Variants in GNAQ observed in about 807,000 individuals in gnomAD.
GNAQ encodes the protein guanine nucleotide-binding protein G(q) subunit alpha.
GNAQ carries 8 observed loss-of-function variants against 43.9 expected under a neutral mutation model. The observed-to-expected ratio is 0.18, with a 90% CI of 0.11 to 0.33. The LOEUF (loss-of-function observed/expected upper bound fraction) is 0.33. GNAQ is among the 10% of genes least tolerant of loss of function. The probability of loss-of-function intolerance (pLI) is 1.00; values close to 1 mark genes in which losing one functional copy is unlikely to be tolerated. For synonymous variants in GNAQ, 155 were observed against 170.7 expected, an observed-to-expected ratio of 0.91 and a Z score of 0.71; for missense variants, 158 against 450.8, an observed-to-expected ratio of 0.35 and a Z score of 5.88.
intron 1 of GNAQ, among the ~76,000 whole-genome samples, chr9:77,938,364 C>T (rs959504735): frequency 1.3e-5 from 2 of 152,088 alleles, no homozygotes; most frequent in Middle Eastern, 3.2e-3. Flanking sequence ...TGGATCAGAT[C>T]CAACAGCCTA....
At position 78,031,290 on chromosome 9, in the gene GNAQ, A is replaced by C. The variant is rs1378102424; in HGVS notation, c.-55T>G. On this transcript the variant is annotated 5_prime_UTR_variant, in exon 1 of 7. Transcript: ENST00000286548. ...CCGGCACCCCCTGCTCACAGCGCGC[A>C]CACACACCCTCCCGCCCTCGCTCCC... 7.4e-7 allele frequency: 1 copy of C among 1,349,494 alleles called. No homozygotes were observed. The highest frequency in any genetic ancestry group is 9.7e-7 in the Non-Finnish European group (1 of 1,027,982). The allele number at this position is 1,349,494 out of a possible 1,614,324, so 83.6% of individuals were successfully genotyped here.
At chr9:77,774,825 T>C (rs1459669216) in intron 5 of GNAQ, among the ~76,000 whole-genome samples, 4 of 152,228 alleles carry the variant, frequency 2.6e-5, no homozygotes, top group African/African-American at 9.6e-5. Flanking sequence ...AGATAATCAT[T>C]ATTTCTTTAA....
intron 2 of GNAQ, among the ~76,000 whole-genome samples, chr9:77,893,580 C>T (rs919754447): frequency 2.6e-5 from 4 of 152,184 alleles, no homozygotes; most frequent in Admixed American, 2.0e-4. Flanking sequence ...TACACCTTTA[C>T]TTTCTTAATA....
In GNAQ at chr9:77,938,418, T is replaced by C. The variant is rs552867704; in HGVS notation, c.137-16073A>G. Reference sequence around the variant, plus strand: ...TTCTGAGCAGGTAAGAACTTCATCATAGGACTCATGAAGAAGACACTGGCA... The same window carrying C: ...TTCTGAGCAGGTAAGAACTTCATCACAGGACTCATGAAGAAGACACTGGCA... On this transcript the variant is annotated intron_variant, in intron 1 of 6. Coordinates refer to ENST00000286548, the MANE Select transcript of GNAQ (RefSeq NM_002072.5). Among the ~76,000 whole-genome samples the C allele has an allele frequency of 3.9e-5, 6 of 152,244 alleles. No homozygotes were observed. The East Asian group carries it at 5.8e-4, about 15-fold the overall frequency.
chr9:78,004,634 C>T (rs1227072450), intron 1 of GNAQ, among the ~76,000 whole-genome samples: 2 of 152,112 alleles, frequency 1.3e-5, no homozygotes, highest in Non-Finnish European at 2.9e-5. Flanking sequence ...TCTCACTTCT[C>T]CACTTGCATA....
At chr9:77,890,419 C>T (rs773070258) in intron 2 of GNAQ, among the ~76,000 whole-genome samples, 6 of 152,120 alleles carry the variant, frequency 3.9e-5, no homozygotes, top group East Asian at 1.9e-4. Context: ...GAATTAGAAA[C>T]GTGTCATAAA....
chr9:77,862,282 A>T (rs1827867610), intron 2 of GNAQ, among the ~76,000 whole-genome samples: 1 of 151,962 alleles, frequency 6.6e-6, no homozygotes, highest in African/African-American at 2.4e-5. Flanking sequence ...CTCTGACCTC[A>T]CATTTCCCTT....
chr9:77,756,570 G>A (rs1457958788), intron 5 of GNAQ, among the ~76,000 whole-genome samples: 1 of 150,692 alleles, frequency 6.6e-6, no homozygotes, highest in East Asian at 1.9e-4. Context: ...CCTAGGGAAT[G>A]CTGGCACAAT....
chr9:77,766,523 C>T (rs1224858078), intron 5 of GNAQ, among the ~76,000 whole-genome samples: 3 of 152,088 alleles, frequency 2.0e-5, no homozygotes. Context: ...GATGAGACTT[C>T]TGGGTGTCTC....
intron 5 of GNAQ, among the ~76,000 whole-genome samples, chr9:77,761,837 CGGGA>C (rs1826033230): frequency 1.8e-5 from 1 of 55,408 alleles, no homozygotes. Context: ...CCGCCCCGTC[CGGGA>C]GGGAGGTGGG....
intron 6 of GNAQ, among the ~76,000 whole-genome samples, chr9:77,727,277 C>T (rs1202609811): frequency 2.0e-5 from 3 of 152,084 alleles, no homozygotes; most frequent in Non-Finnish European, 2.9e-5. Flanking sequence ...CTCAGTCTCC[C>T]AAAGTGCTGG....
At chr9:77,862,985 C>T (rs971363201) in intron 2 of GNAQ, among the ~76,000 whole-genome samples, 1 of 152,118 alleles carries the variant, frequency 6.6e-6, no homozygotes, top group Non-Finnish European at 1.5e-5. Context: ...TTGAGACCAG[C>T]CTGACCAACA....
At chr9:77,776,910 A>C (rs2118389748) in intron 5 of GNAQ, among the ~76,000 whole-genome samples, 1 of 148,162 alleles carries the variant, frequency 6.7e-6, no homozygotes, top group Non-Finnish European at 1.5e-5. Flanking sequence ...CTTAAAATTT[A>C]TGTGGAAATG....
chr9:77,925,224 CT>C (rs1184787190), intron 1 of GNAQ, among the ~76,000 whole-genome samples: 1 of 152,148 alleles, frequency 6.6e-6, no homozygotes, highest in Non-Finnish European at 1.5e-5. Context: ...GGAGCTCTGA[CT>C]AGCACAAATA....
chr9:77,919,179 G>A (rs1019693433), intron 2 of GNAQ, among the ~76,000 whole-genome samples: 1 of 152,194 alleles, frequency 6.6e-6, no homozygotes, highest in East Asian at 1.9e-4. Context: ...CTTAGCCTCC[G>A]TAAGTGCTAG....
intron 1 of GNAQ, among the ~76,000 whole-genome samples, chr9:77,971,540 C>T (rs896547196): frequency 3.3e-5 from 5 of 152,202 alleles, no homozygotes; most frequent in Non-Finnish European, 7.3e-5. Flanking sequence ...ACATGATCGT[C>T]TCAATAGATG....
chr9:78,014,418 G>C (rs868199463), intron 1 of GNAQ, among the ~76,000 whole-genome samples: 1 of 152,174 alleles, frequency 6.6e-6, no homozygotes, highest in East Asian at 1.9e-4. Context: ...AGACCAGCCC[G>C]ACCAACATGG....
At chr9:78,029,093 T>C (rs1286701480) in intron 1 of GNAQ, among the ~76,000 whole-genome samples, 2 of 152,184 alleles carry the variant, frequency 1.3e-5, no homozygotes, top group African/African-American at 4.8e-5. Flanking sequence ...AAATACACAG[T>C]ATGGAATTAA....
intron 1 of GNAQ, among the ~76,000 whole-genome samples, chr9:77,965,200 C>G (rs1823151452): frequency 6.6e-6 from 1 of 152,064 alleles, no homozygotes; most frequent in South Asian, 2.1e-4. Context: ...GTTCAACCAG[C>G]AACTACCACC....
Sources: allele counts gnomAD v4.1 joint callset (sites outside exome capture counted in the v4.1 genomes callset), GRCh38; gene constraint gnomAD v4.1.1; transcripts MANE v1.5; gene names NCBI Gene and HGNC (gene_info 2026-07-23, HGNC 2026-07-21).